Variants in IL1RL2 observed in about 807,000 individuals in gnomAD.
The protein encoded by IL1RL2 is interleukin 1 receptor like 2, also known as interleukin-1 receptor-like 2.
Under a neutral mutation model 66.8 loss-of-function variants are expected in IL1RL2, and 68 were observed. The observed-to-expected ratio is 1.02, with a 90% CI of 0.84 to 1.25. The LOEUF is 1.25. Among genes scored for constraint, IL1RL2 ranks in the 50% most tolerant of loss-of-function variants. IL1RL2 has a pLI of 0.00. For missense variants in IL1RL2, 729 were observed against 709.3 expected (o/e 1.03, Z -0.32); for synonymous variants, 305 against 264.6 (o/e 1.15, Z -1.48).
chr2:102,233,227 G>A (rs762817741), intron 10 of IL1RL2, 103 bp downstream of exon 10: 50 of 1,146,374 alleles, frequency 4.4e-5, no homozygotes, highest in Non-Finnish European at 5.9e-5. Flanking sequence ...CCTTCCCCAT[G>A]GAACCACAGA....
chr2:102,193,340 T>C (rs1687396063), intron 4 of IL1RL2, among the ~76,000 whole-genome samples: 1 of 152,224 alleles, frequency 6.6e-6, no homozygotes, highest in South Asian at 2.1e-4. Context: ...GTATTCAACT[T>C]TGTTGATGTT....
chr2:102,205,164 T>C (rs1207834832), intron 5 of IL1RL2, among the ~76,000 whole-genome samples: 1 of 152,108 alleles, frequency 6.6e-6, no homozygotes, highest in Non-Finnish European at 1.5e-5. Flanking sequence ...TTAACTTTAT[T>C]CCCCTGCTTT....
At chr2:102,201,874 G>A (rs556112039) in intron 5 of IL1RL2, among the ~76,000 whole-genome samples, 159 bp downstream of exon 5, 1 of 152,156 alleles carries the variant, frequency 6.6e-6, no homozygotes, top group South Asian at 2.1e-4. Context: ...GAATCAGAAG[G>A]TGGGAAGAGT....
At chr2:102,242,868 T>C (rs1675262625), downstream of IL1RL2, among the ~76,000 whole-genome samples, 1 of 152,274 alleles carries the variant, frequency 6.6e-6, no homozygotes. Context: ...TGCATTCATC[T>C]GATCATTTGC....
chr2:102,227,905 T>C (rs1399132965), intron 9 of IL1RL2, among the ~76,000 whole-genome samples: 1 of 151,770 alleles, frequency 6.6e-6, no homozygotes, highest in African/African-American at 2.4e-5. Context: ...TGTTGTGCAG[T>C]GTGTGGGGAA....
At chr2:102,236,547 A>T (rs113857576) in intron 11 of IL1RL2, among the ~76,000 whole-genome samples, 1 of 152,222 alleles carries the variant, frequency 6.6e-6, no homozygotes, top group Non-Finnish European at 1.5e-5. Context: ...TCCACTCTTT[A>T]TTTAACATTT....
chr2:102,240,331 C>T (rs150225273), downstream of IL1RL2, among the ~76,000 whole-genome samples: 173 of 147,302 alleles, frequency 1.2e-3, 1 homozygote, highest in African/African-American at 4.1e-3. Context: ...TCTCTGATGG[C>T]CTCATTTCTC....
chr2:102,209,566 T>C (rs988775856), intron 5 of IL1RL2, among the ~76,000 whole-genome samples: 17 of 136,494 alleles, frequency 1.2e-4, no homozygotes, highest in African/African-American at 3.1e-4. Flanking sequence ...TTAGATCCTA[T>C]GTGAGTATGG....
chr2:102,230,437 T>C (rs928495790), intron 9 of IL1RL2, among the ~76,000 whole-genome samples: 8 of 152,316 alleles, frequency 5.3e-5, no homozygotes, highest in South Asian at 2.1e-4. Flanking sequence ...AAATTAGTTA[T>C]CCCTTTTGTA....
Position 102,233,129 on chromosome 2 carries a change from G to A in IL1RL2, c.1297+5G>A. ...GAGATGAATTCCCTGGACAAGGTGG[G>A]TTTTAAGTGAGGTGTAAAAATAACA... On this transcript the variant is annotated splice_donor_5th_base_variant and intron_variant, in intron 10 of 11. Transcript: ENST00000264257. 6.5e-7 allele frequency: 1 copy of A among 1,535,366 alleles called. No homozygotes were observed. Among genetic ancestry groups the A allele is most frequent in the Non-Finnish European group, 8.8e-7 (1 of 1,130,608 alleles).
rs1447644389 is a variant in IL1RL2 at position 102,218,950 on chromosome 2, T to A, written c.725-3T>A. 3.1e-6 allele frequency: 5 copies of A among 1,603,958 alleles called. No individual in the cohort carries two copies. The highest frequency in any genetic ancestry group is 2.2e-5 in the South Asian group (2 of 89,656). On this transcript the variant is annotated splice_polypyrimidine_tract_variant and splice_region_variant and intron_variant, in intron 6 of 11. Coordinates refer to ENST00000264257, the MANE Select transcript of IL1RL2 (RefSeq NM_003854.4). ...GAATATTGATGATATTGGTTTTTTT[T>A]AGGTACCACTCTGATTGTGGACTGC... is the stretch of plus-strand genomic sequence containing the variant.
chr2:102,212,941 C>T (rs34870699), intron 6 of IL1RL2, among the ~76,000 whole-genome samples: 42,663 of 151,872 alleles, frequency 0.28, 6,628 homozygotes, highest in East Asian at 0.39. Context: ...TGCACTCCAG[C>T]GGCGACAGAG....
intron 4 of IL1RL2, among the ~76,000 whole-genome samples, chr2:102,196,761 G>A (rs758922544): frequency 6.6e-5 from 10 of 152,188 alleles, no homozygotes; most frequent in Non-Finnish European, 1.5e-4. Context: ...AGGTGCAAAG[G>A]CGTTGGGTGA....
downstream of IL1RL2, among the ~76,000 whole-genome samples, chr2:102,241,666 G>A (rs558204869): frequency 9.9e-5 from 15 of 152,270 alleles, 1 homozygote; most frequent in South Asian, 3.1e-3. Context: ...AGCTCTTTAA[G>A]TACATTATCT....
intron 9 of IL1RL2, among the ~76,000 whole-genome samples, chr2:102,226,451 C>T (rs532070972): frequency 9.2e-5 from 14 of 152,266 alleles, no homozygotes; most frequent in South Asian, 4.1e-4. Flanking sequence ...GAGCTGCCTG[C>T]GGTTGGAGCT....
intron 5 of IL1RL2, among the ~76,000 whole-genome samples, chr2:102,204,353 T>C (rs1207177275): frequency 1.3e-5 from 2 of 152,150 alleles, no homozygotes; most frequent in Non-Finnish European, 2.9e-5. Flanking sequence ...ATATGTATTC[T>C]ACAGCCATTG....
In IL1RL2 at chr2:102,203,336, TTC is replaced by T. The variant is rs202014740; in HGVS notation, c.649+1629_649+1630del. Among the ~76,000 whole-genome samples the T allele has an allele frequency of 6.4e-3, 878 of 136,622 alleles. 10 individuals carry two copies. The highest frequency in any genetic ancestry group is 0.019 in the African/African-American group (777 of 40,036). The allele number at this position is 136,622 out of a possible 152,430, so 89.6% of individuals were successfully genotyped here. A position where few individuals can be genotyped will look rare whatever the true frequency, so the allele number is the denominator to read the frequency against. On this transcript the variant is annotated intron_variant, in intron 5 of 11. Transcript: ENST00000264257. Reference sequence around the variant, plus strand: ...TCATCAGAGATACTTGCCTATAGTTTTCTCTCTCTTTTTTTTTTTTGATGTGT... The same window carrying T: ...TCATCAGAGATACTTGCCTATAGTTTTCTCTCTTTTTTTTTTTTGATGTGT...
intron 4 of IL1RL2, among the ~76,000 whole-genome samples, chr2:102,195,440 A>T (rs1040389592): frequency 1.3e-5 from 2 of 151,584 alleles, no homozygotes; most frequent in African/African-American, 2.4e-5. Flanking sequence ...TTCTCTGTGG[A>T]CTTATAGTTT....
chr2:102,207,714 G>A (rs149623140), intron 5 of IL1RL2, among the ~76,000 whole-genome samples: 2 of 152,242 alleles, frequency 1.3e-5, no homozygotes, highest in East Asian at 3.9e-4. Flanking sequence ...AAAGAGGGGT[G>A]ATGCCCACAC....
Sources: gnomAD v4.1 joint callset for allele counts (sites outside exome capture counted in the v4.1 genomes callset) on GRCh38, gnomAD v4.1.1 for gene constraint, MANE v1.5 for transcripts, NCBI Gene and HGNC (gene_info 2026-07-23, HGNC 2026-07-21) for gene names.